The following GSK3B variants were observed in gnomAD, a reference collection of about 807,000 sequenced individuals.
The protein encoded by GSK3B is glycogen synthase kinase-3 beta.
In GSK3B, 15 loss-of-function variants were observed where a neutral mutation model predicts 56.4. The observed-to-expected ratio is 0.27, with a 90% CI of 0.18 to 0.41. The LOEUF is 0.41. Among genes scored for constraint, GSK3B ranks in the 10% least tolerant of loss-of-function variants. GSK3B has a pLI of 1.00. For missense variants in GSK3B, 300 were observed against 513.4 expected, an observed-to-expected ratio of 0.58 and a Z score of 4.02; for synonymous variants, 181 against 188.9, an observed-to-expected ratio of 0.96 and a Z score of 0.34.
chr3:119,854,006 A>G (rs2055979950), intron 9 of GSK3B, among the ~76,000 whole-genome samples: 1 of 152,200 alleles, frequency 6.6e-6, no homozygotes, highest in Admixed American at 6.5e-5. Context: ...CCAGTTTTCA[A>G]AGAGGAATGC....
intron 1 of GSK3B, among the ~76,000 whole-genome samples, chr3:120,027,415 C>A (rs954262076): frequency 8.7e-5 from 13 of 149,508 alleles, no homozygotes; most frequent in Admixed American, 8.0e-4. Flanking sequence ...AAAAATGAAA[C>A]CCTATTCTTT....
intron 7 of GSK3B, among the ~76,000 whole-genome samples, chr3:119,897,907 A>C (rs1007611476): frequency 6.6e-6 from 1 of 152,140 alleles, no homozygotes; most frequent in Non-Finnish European, 1.5e-5. Flanking sequence ...ATAGGACAGG[A>C]CAGGGATAAT....
At chr3:119,947,755 T>C (rs1338740341) in intron 2 of GSK3B, among the ~76,000 whole-genome samples, 1 of 150,730 alleles carries the variant, frequency 6.6e-6, no homozygotes, top group Non-Finnish European at 1.5e-5. Flanking sequence ...TTACCACAAA[T>C]AGCTTGACCT....
chr3:119,964,781 A>T (rs531702366), intron 2 of GSK3B, among the ~76,000 whole-genome samples: 1 of 152,202 alleles, frequency 6.6e-6, no homozygotes, highest in Admixed American at 6.5e-5. Flanking sequence ...AAAATGAAAA[A>T]CAGTAAGAAA....
At position 119,987,415 on chromosome 3, in the gene GSK3B, C is replaced by T. The variant is rs565592779; in HGVS notation, c.282+14631G>A. 9.9e-4 allele frequency among the ~76,000 whole-genome samples: 150 copies of T among 152,006 alleles called. 1 individual carries two copies. The highest frequency in any genetic ancestry group is 3.5e-3 in the African/African-American group (144 of 41,436). On this transcript the variant is annotated intron_variant, in intron 2 of 10. Coordinates refer to ENST00000264235, the MANE Select transcript of GSK3B (RefSeq NM_001146156.2). ...TGTAAGGAAAGTAAAATATACTTTT[C>T]GTAAAAGGATTATAAGGAGGCATAA...
chr3:119,907,594 A>G (rs1260785875), intron 6 of GSK3B, among the ~76,000 whole-genome samples: 2 of 152,182 alleles, frequency 1.3e-5, no homozygotes, highest in Non-Finnish European at 2.9e-5. Flanking sequence ...AATAGAAGGT[A>G]CCGGAAAAAT....
chr3:120,087,336 G>A (rs1400337969), intron 1 of GSK3B, among the ~76,000 whole-genome samples: 1 of 152,134 alleles, frequency 6.6e-6, no homozygotes, highest in African/African-American at 2.4e-5. Flanking sequence ...TTTGAGACCA[G>A]CCTGGCCAAC....
At chr3:120,067,797 T>C (rs1397378030) in intron 1 of GSK3B, among the ~76,000 whole-genome samples, 1 of 152,068 alleles carries the variant, frequency 6.6e-6, no homozygotes, top group African/African-American at 2.4e-5. Flanking sequence ...CCTCAATAAA[T>C]AAATGGCAAG....
intron 2 of GSK3B, among the ~76,000 whole-genome samples, chr3:119,999,102 G>A (rs971926449): frequency 1.3e-5 from 2 of 152,202 alleles, no homozygotes; most frequent in Admixed American, 1.3e-4. Flanking sequence ...ATTGAACAAT[G>A]GCTAATTAGG....
At chr3:119,944,281 C>T (rs908401727) in intron 3 of GSK3B, among the ~76,000 whole-genome samples, 1 of 152,070 alleles carries the variant, frequency 6.6e-6, no homozygotes, top group South Asian at 2.1e-4. Flanking sequence ...TTTCTAATAA[C>T]CTCAATCTCT....
At chr3:120,058,672 G>A (rs893614414) in intron 1 of GSK3B, among the ~76,000 whole-genome samples, 6 of 151,946 alleles carry the variant, frequency 3.9e-5, no homozygotes, top group Non-Finnish European at 8.8e-5. Flanking sequence ...GTAAAATACA[G>A]GTAATAATGC....
chr3:120,026,021 G>A (rs2057919998), intron 1 of GSK3B, among the ~76,000 whole-genome samples: 1 of 152,116 alleles, frequency 6.6e-6, no homozygotes, highest in African/African-American at 2.4e-5. Flanking sequence ...GTCAAATACT[G>A]GGTTTTATAG....
At chr3:120,065,099 C>A (rs970464418) in intron 1 of GSK3B, among the ~76,000 whole-genome samples, 61 of 151,456 alleles carry the variant, frequency 4.0e-4, no homozygotes, top group African/African-American at 1.4e-3. Flanking sequence ...AAAGCATAAG[C>A]AAGAAGAGAA....
chr3:119,944,527 T>A (rs952815899), intron 3 of GSK3B, among the ~76,000 whole-genome samples: 1 of 152,110 alleles, frequency 6.6e-6, no homozygotes, highest in South Asian at 2.1e-4. Context: ...CCTGACAAAT[T>A]CTAGAAAAAG....
rs191780502 is a variant in GSK3B, at chr3:119,953,025, G to A, written c.283-5674C>T. 3.2e-4 allele frequency among the ~76,000 whole-genome samples: 48 copies of A among 152,002 alleles called. 1 individual carries two copies. In the East Asian group the frequency reaches 8.9e-3, roughly 28 times the overall value. On this transcript the variant is annotated intron_variant, in intron 2 of 10. Coordinates refer to ENST00000264235, the MANE Select transcript of GSK3B (RefSeq NM_001146156.2). ...ATATGATAACAGTTGGGTTTATAAC[G>A]TAAATAAATGTAATATATAAGGCAA...
chr3:119,835,266 A>C (rs1326203264), intron 10 of GSK3B, among the ~76,000 whole-genome samples: 1 of 152,224 alleles, frequency 6.6e-6, no homozygotes, highest in Non-Finnish European at 1.5e-5. Flanking sequence ...CAGCGGGACA[A>C]ACTTTCAGAA....
At chr3:119,954,494 T>C (rs1302017101) in intron 2 of GSK3B, among the ~76,000 whole-genome samples, 1 of 152,170 alleles carries the variant, frequency 6.6e-6, no homozygotes, top group Non-Finnish European at 1.5e-5. Context: ...AGTTAGAAAT[T>C]TTAAATTGTG....
chr3:119,841,748 A>G lies in GSK3B; in HGVS notation c.1195+1507T>C, dbSNP rs534592637. 3.9e-5 allele frequency among the ~76,000 whole-genome samples: 6 copies of G among 152,348 alleles called. No homozygotes were observed. The East Asian group carries it at 9.6e-4, about 24-fold the overall frequency. On this transcript the variant is annotated intron_variant, in intron 10 of 10. Coordinates refer to ENST00000264235, the MANE Select transcript of GSK3B (RefSeq NM_001146156.2). ...TGAATAAGACACTAATTAAACTAAT[A>G]AAGTTCAAATTACTTTCTCAAGGTA...
At chr3:119,834,337 T>A (rs1305238182) in intron 10 of GSK3B, among the ~76,000 whole-genome samples, 1 of 152,194 alleles carries the variant, frequency 6.6e-6, no homozygotes, top group Non-Finnish European at 1.5e-5. Context: ...TATATTTAAT[T>A]TGAAATTATA....
Sources: gnomAD v4.1 joint callset for allele counts (sites outside exome capture counted in the v4.1 genomes callset) on GRCh38, gnomAD v4.1.1 for gene constraint, MANE v1.5 for transcripts, NCBI Gene and HGNC (gene_info 2026-07-23, HGNC 2026-07-21) for gene names.